PKHD1L1: variants seen among roughly 807,000 people sequenced by gnomAD.
PKHD1L1 encodes the protein fibrocystin-L.
Under a neutral mutation model 462.9 loss-of-function variants are expected in PKHD1L1, and 434 were observed. That is an observed-to-expected ratio of 0.94 (90% CI 0.87 to 1.02). The LOEUF (loss-of-function observed/expected upper bound fraction) is 1.02. Among genes scored for constraint, PKHD1L1 ranks in the 50% least tolerant of loss-of-function variants. PKHD1L1 has a pLI of 0.00. For synonymous variants in PKHD1L1, 1,781 were observed against 1,750.0 expected (o/e 1.02, Z -0.44); for missense variants, 5,202 against 5,096.1 (o/e 1.02, Z -0.63).
chr8:109,467,135 T>C (rs994956080), intron 50 of PKHD1L1, among the ~76,000 whole-genome samples: 4 of 152,072 alleles, frequency 2.6e-5, no homozygotes, highest in African/African-American at 7.2e-5. Flanking sequence ...ACTAGGTTAA[T>C]AGCTGCCTAA....
Position 109,497,610 on chromosome 8 carries a change from T to G in PKHD1L1, c.10599+338T>G, listed in dbSNP as rs1819179139. On this transcript the variant is annotated intron_variant, in intron 65 of 77. Transcript: ENST00000378402. ...CCTGGCTAATTTTTTATATTTTTAG[T>G]AGAGATGGGGTTTCACTGTGTTAGC... is the stretch of plus-strand genomic sequence containing the variant. 4.6e-5 allele frequency among the ~76,000 whole-genome samples: 7 copies of G among 152,114 alleles called. No homozygotes were observed. In the South Asian group the frequency reaches 1.5e-3, roughly 32 times the overall value.
chr8:109,362,492 C>T lies in PKHD1L1; in HGVS notation c.-89C>T. Reference sequence around the variant, plus strand: ...CAGCTCTCCCGGGACGAAGCGGGCCCGCCAGCGAGTCGCAGTCCCAGGAGC... The same window carrying T: ...CAGCTCTCCCGGGACGAAGCGGGCCTGCCAGCGAGTCGCAGTCCCAGGAGC... On this transcript the variant is annotated 5_prime_UTR_variant, in exon 1 of 78. Coordinates refer to ENST00000378402, the MANE Select transcript of PKHD1L1 (RefSeq NM_177531.6). 1 of 1,323,054 alleles carries T rather than the reference C, an allele frequency of 7.6e-7. No individual in the cohort carries two copies. The highest frequency in any genetic ancestry group is 1.5e-5 in the African/African-American group (1 of 68,398). The allele number at this position is 1,323,054 out of a possible 1,614,324, so 82.0% of individuals were successfully genotyped here.
rs1009639025 is a variant in PKHD1L1 at position 109,407,995 on chromosome 8, T to C, written c.1814-54T>C. 2.3e-5 allele frequency: 30 copies of C among 1,285,472 alleles called. 1 individual carries two copies. The highest frequency in any genetic ancestry group is 3.0e-5 in the Non-Finnish European group (29 of 965,070). 79.6% of individuals were successfully genotyped at this position (1,285,472 alleles called of 1,614,324 possible). On this transcript the variant is annotated intron_variant, in intron 17 of 77. Coordinates refer to ENST00000378402, the MANE Select transcript of PKHD1L1 (RefSeq NM_177531.6). ...TATATATAAAATATATAGTTTTATA[T>C]ATAGGCATTTTATTAGTTAATGTCT...
In PKHD1L1 at chr8:109,497,289, G is replaced by T. The variant is rs779935308; in HGVS notation, c.10599+17G>T. Reference sequence around the variant, plus strand: ...CAAATTAAGGTAAGAAATTAATACAGCCACACCATGGAGAAAAAAATAACT... The same window carrying T: ...CAAATTAAGGTAAGAAATTAATACATCCACACCATGGAGAAAAAAATAACT... On this transcript the variant is annotated intron_variant, in intron 65 of 77. Coordinates refer to ENST00000378402, the MANE Select transcript of PKHD1L1 (RefSeq NM_177531.6). 1.6e-5 allele frequency: 25 copies of T among 1,608,226 alleles called. No homozygotes were observed. Among genetic ancestry groups the T allele is most frequent in the Non-Finnish European group, 5.9e-6 (7 of 1,176,854 alleles).
chr8:109,409,456 C>T (rs1813725216), intron 18 of PKHD1L1, among the ~76,000 whole-genome samples: 1 of 150,030 alleles, frequency 6.7e-6, no homozygotes. Flanking sequence ...ACCATGTTGG[C>T]CAGAATCCAT....
chr8:109,362,646 C>T lies in PKHD1L1; in HGVS notation c.66C>T (p.Pro22=), dbSNP rs756194467. The change falls in exon 1 of 78, where the codon CCC becomes CCT. Residue 22 remains proline (P), a synonymous_variant. Coordinates refer to ENST00000378402, the MANE Select transcript of PKHD1L1 (RefSeq NM_177531.6). ...LCGLLLCAAD[P]STDGSQIIPK... ...GGCTGCTCCTGTGTGCCGCGGATCC[C>T]AGCACAGGTAACCCTTTGGGCACGC... is the stretch of plus-strand genomic sequence containing the variant. The T allele has an allele frequency of 3.1e-6, 5 of 1,602,564 alleles. No homozygotes were observed. The South Asian group carries it at 4.5e-5, about 14-fold the overall frequency.
At chr8:109,376,408 T>A (rs1811832806) in intron 2 of PKHD1L1, among the ~76,000 whole-genome samples, 1 of 152,190 alleles carries the variant, frequency 6.6e-6, no homozygotes, top group African/African-American at 2.4e-5. Flanking sequence ...CACCCCTTTC[T>A]TTGACTAGGA....
intron 59 of PKHD1L1, among the ~76,000 whole-genome samples, chr8:109,489,638 G>A (rs1818728711): frequency 6.6e-6 from 1 of 151,760 alleles, no homozygotes; most frequent in Admixed American, 6.6e-5. Context: ...AGTTCTTGAG[G>A]TGGGGGCAAA....
intron 53 of PKHD1L1, among the ~76,000 whole-genome samples, chr8:109,478,898 A>G (rs1818131850): frequency 6.6e-6 from 1 of 152,162 alleles, no homozygotes; most frequent in African/African-American, 2.4e-5. Flanking sequence ...GCTATGAATA[A>G]TACAAGACAA....
chr8:109,432,512 T>TTATC (rs138555285), intron 27 of PKHD1L1, among the ~76,000 whole-genome samples: 2 of 152,140 alleles, frequency 1.3e-5, no homozygotes, highest in African/African-American at 2.4e-5. Flanking sequence ...AGATATGTAA[T>TTATC]TATCTATCTA....
rs182348587 is a variant in PKHD1L1, at chr8:109,443,741, A to G, written c.4630A>G (p.Ser1544Gly). The change falls in exon 37 of 78, where the codon AGC becomes GGC. Residue 1544 changes from serine (S) to glycine (G), a missense_variant. Physicochemically the swap from Ser to Gly is moderately conservative, Grantham distance 56 (BLOSUM62 0). Coordinates refer to ENST00000378402, the MANE Select transcript of PKHD1L1 (RefSeq NM_177531.6). ...CTGCCTAGCAACAGAACCCCTGTGC[A>G]GCCTGAACAATACCAGGGTTAAAAA... ...AGCLATEPLC[S>G]LNNTRVKNSK... 1 of 1,613,844 alleles carries G rather than the reference A, an allele frequency of 6.2e-7. No homozygotes were observed. The highest frequency in any genetic ancestry group is 2.2e-5 in the East Asian group (1 of 44,864).
At position 109,454,858 on chromosome 8, in the gene PKHD1L1, G is replaced by A. The variant is rs1467640376; in HGVS notation, c.6874+6G>A. 1 of 1,610,426 alleles carries A rather than the reference G, an allele frequency of 6.2e-7. No homozygotes were observed. The highest frequency in any genetic ancestry group is 8.5e-7 in the Non-Finnish European group (1 of 1,178,160). On this transcript the variant is annotated splice_donor_region_variant and intron_variant, in intron 45 of 77. Coordinates refer to ENST00000378402, the MANE Select transcript of PKHD1L1 (RefSeq NM_177531.6). ...GGGAATCCTGGATCTGCACGGTACT[G>A]TGGCCAAGTGGCTAAGGGAGTTGGT...
intron 63 of PKHD1L1, 75 bp downstream of exon 63, chr8:109,493,826 T>C (rs1818952939): frequency 1.0e-6 from 1 of 985,732 alleles, no homozygotes; most frequent in East Asian, 2.8e-5. Context: ...ATAATTATTG[T>C]TTGTTAATTC....
intron 32 of PKHD1L1, 42 bp downstream of exon 32, chr8:109,439,134 T>C (rs1403020612): frequency 3.9e-6 from 6 of 1,534,546 alleles, no homozygotes; most frequent in Non-Finnish European, 3.6e-6. Context: ...GTAGAACACA[T>C]GGGGCTAGTG....
At chr8:109,443,382 C>T (rs1002066096) in intron 36 of PKHD1L1, among the ~76,000 whole-genome samples, 5 of 152,152 alleles carry the variant, frequency 3.3e-5, no homozygotes, top group Non-Finnish European at 7.3e-5. Context: ...TATGTATGTG[C>T]CTGGACGTAT....
intron 22 of PKHD1L1, 136 bp downstream of exon 22, chr8:109,419,396 T>G: frequency 1.6e-6 from 1 of 625,210 alleles, no homozygotes; most frequent in Non-Finnish European, 2.5e-6. Context: ...ATCTGAATAA[T>G]ATTATGATTT....
chr8:109,523,404 G>C lies in PKHD1L1; in HGVS notation c.12484+18G>C, dbSNP rs774028009. 2 of 1,596,146 alleles carry C rather than the reference G, an allele frequency of 1.3e-6. No individual in the cohort carries two copies. Among genetic ancestry groups the C allele is most frequent in the Admixed American group, 1.7e-5 (1 of 59,270 alleles). ...TAGAACAGGTGGGTGCACTATTTTG[G>C]ATCCTCACATATATAGCCATAAATA... On this transcript the variant is annotated intron_variant, in intron 76 of 77. Transcript: ENST00000378402.
At chr8:109,435,741 G>A (rs1303491730) in intron 29 of PKHD1L1, among the ~76,000 whole-genome samples, 1 of 152,214 alleles carries the variant, frequency 6.6e-6, no homozygotes, top group Non-Finnish European at 1.5e-5. Flanking sequence ...CTGGGGAAAG[G>A]AGGGCTAACA....
intron 68 of PKHD1L1, among the ~76,000 whole-genome samples, chr8:109,505,872 T>C (rs1192248932): frequency 6.6e-6 from 1 of 152,210 alleles, no homozygotes; most frequent in Non-Finnish European, 1.5e-5. Context: ...ACCACTGCAC[T>C]TCAGCTTGGG....
Sources: gnomAD v4.1 joint callset for allele counts (sites outside exome capture counted in the v4.1 genomes callset) on GRCh38, gnomAD v4.1.1 for gene constraint, MANE v1.5 for transcripts, NCBI Gene and HGNC (gene_info 2026-07-23, HGNC 2026-07-21) for gene names.